The following HCN4 variants were observed in gnomAD, a reference collection of about 807,000 sequenced individuals.
The protein encoded by HCN4 is hyperpolarization activated cyclic nucleotide gated potassium channel 4.
HCN4 carries 29 observed loss-of-function variants against 76.9 expected under a neutral mutation model. The ratio of observed to expected loss-of-function variants is 0.38; its 90% CI spans 0.28 to 0.51. The LOEUF (loss-of-function observed/expected upper bound fraction) is 0.51, where lower values mean the gene tolerates loss of function less well. HCN4 is among the 20% of genes least tolerant of loss of function. The pLI is 0.90. For synonymous variants in HCN4, 772 were observed against 762.5 expected (o/e 1.01, Z -0.21); for missense variants, 1,416 against 1,715.2 (o/e 0.83, Z 3.08).
rs750605160 is a variant in HCN4, at chr15:73,323,049, G to C, written c.3044C>G (p.Ser1015Cys). 1 of 1,526,524 alleles carries C rather than the reference G, an allele frequency of 6.6e-7. No individual in the cohort carries two copies. Among genetic ancestry groups the C allele is most frequent in the Non-Finnish European group, 8.7e-7 (1 of 1,142,966 alleles). 94.6% of individuals were successfully genotyped at this position (1,526,524 alleles called of 1,614,324 possible). ...TCCTCGGGGAGTAAAGCCTACAGGG[G>C]AAGCCCCCCCAGAGGCCCCTGCCAC... ...SLVAGASGGA[S>C]PVGFTPRGGL... Residue 1015 changes from serine (S) to cysteine (C), a missense_variant, in exon 8 of 8, where the codon TCC (serine) becomes TGC (cysteine). Coordinates refer to ENST00000261917, the MANE Select transcript of HCN4 (RefSeq NM_005477.3).
chr15:73,351,887 C>T (rs1246952064), intron 1 of HCN4, among the ~76,000 whole-genome samples: 1 of 152,146 alleles, frequency 6.6e-6, no homozygotes, highest in Non-Finnish European at 1.5e-5. Flanking sequence ...CTTCGGTGTC[C>T]CCAACGCATG....
At chr15:73,335,392 C>T (rs2042957655) in intron 2 of HCN4, 1 of 152,278 alleles carries the variant, frequency 6.6e-6, no homozygotes, top group Admixed American at 6.5e-5. Context: ...AATCAGGTTC[C>T]ACAAGCCACA....
At chr15:73,336,676 G>A (rs1326358182) in intron 2 of HCN4, among the ~76,000 whole-genome samples, 1 of 152,018 alleles carries the variant, frequency 6.6e-6, no homozygotes, top group Admixed American at 6.6e-5. Flanking sequence ...GGTGGTTTTG[G>A]CTCTACTGCC....
intron 1 of HCN4, among the ~76,000 whole-genome samples, chr15:73,351,380 GACT>G (rs1476535561): frequency 2.6e-5 from 4 of 152,134 alleles, no homozygotes; most frequent in African/African-American, 9.7e-5. Flanking sequence ...TCCACTTGCT[GACT>G]ACATGTCTAC....
In HCN4 at chr15:73,323,764, G is replaced by A. The variant is rs1409105732; in HGVS notation, c.2329C>T (p.Leu777=). The part of the protein sequence containing the change: ...PTPTPVIWTP[L]IQAPLQAAAA... Reference sequence around the variant, plus strand: ...GCAGCCTGCAGTGGTGCCTGGATCAGCGGGGTCCAGATGACGGGCGTGGGG... The same window carrying A: ...GCAGCCTGCAGTGGTGCCTGGATCAACGGGGTCCAGATGACGGGCGTGGGG... Residue 777 remains leucine, a synonymous_variant, in exon 8 of 8, where the codon CTG becomes TTG. Coordinates refer to ENST00000261917, the MANE Select transcript of HCN4 (RefSeq NM_005477.3). 1.9e-6 allele frequency: 3 copies of A among 1,608,294 alleles called. No homozygotes were observed. Among genetic ancestry groups the A allele is most frequent in the Non-Finnish European group, 1.7e-6 (2 of 1,178,486 alleles).
intron 1 of HCN4, among the ~76,000 whole-genome samples, chr15:73,364,710 G>T (rs1322351057): frequency 6.6e-6 from 1 of 152,164 alleles, no homozygotes; most frequent in Non-Finnish European, 1.5e-5. Context: ...CTTTTCTATT[G>T]GGGGGTGGGA....
At chr15:73,355,250 C>G in intron 1 of HCN4, among the ~76,000 whole-genome samples, 1 of 152,202 alleles carries the variant, frequency 6.6e-6, no homozygotes, top group Non-Finnish European at 1.5e-5. Flanking sequence ...AAGTTCTAGT[C>G]CCGTCCCTGT....
chr15:73,356,189 CTTT>C (rs527385643), intron 1 of HCN4, among the ~76,000 whole-genome samples: 7 of 135,226 alleles, frequency 5.2e-5, no homozygotes, highest in Admixed American at 7.5e-5. Context: ...TTGTTTTTTG[CTTT>C]TTTTTTTTTT....
At chr15:73,330,039 G>A (rs2042923669) in intron 3 of HCN4, among the ~76,000 whole-genome samples, 1 of 152,190 alleles carries the variant, frequency 6.6e-6, no homozygotes, top group African/African-American at 2.4e-5. Flanking sequence ...AAAGGTACGG[G>A]AGCCAGCGTG....
In HCN4 at chr15:73,343,546, T is replaced by C. The variant is rs2043017077; in HGVS notation, c.1048A>G (p.Ile350Val). The C allele has an allele frequency of 6.2e-7, 1 of 1,614,076 alleles. No homozygotes were observed. The highest frequency in any genetic ancestry group is 8.5e-7 in the Non-Finnish European group (1 of 1,180,050). ...ATGAGGAAGATGTAGTCCACGGGGA[T>C]GGAGGAAATGAAATCTACCATGAAC... is the stretch of plus-strand genomic sequence containing the variant. ...SWFMVDFISSIPVDYIFLIVE... is the reference protein window; with the variant it reads ...SWFMVDFISSVPVDYIFLIVE... Residue 350 changes from isoleucine to valine, a missense_variant, in exon 2 of 8, where the codon ATC becomes GTC. Ile to Val is a conservative substitution (Grantham distance 29). This residue lies in a region of HCN4 where 112 missense variants were observed against 259.9 expected (regional missense o/e 0.43). Transcript: ENST00000261917. This position sits in a 1 kb window ranked among gnomAD's most constrained non-coding sequence, Gnocchi z 5.7.
At chr15:73,362,260 G>A (rs2043108239) in intron 1 of HCN4, among the ~76,000 whole-genome samples, 1 of 152,218 alleles carries the variant, frequency 6.6e-6, no homozygotes, top group Admixed American at 6.5e-5. Context: ...TGAGCTTGGG[G>A]ATAGAGGCCA....
chr15:73,326,788 T>TATTTATTTA (rs890852282), intron 4 of HCN4, among the ~76,000 whole-genome samples: 3 of 150,154 alleles, frequency 2.0e-5, no homozygotes, highest in African/African-American at 7.3e-5. Context: ...TTTATTTATT[T>TATTTATTTA]ATTTATTTTT....
chr15:73,358,539 A>T (rs904792338), intron 1 of HCN4, among the ~76,000 whole-genome samples: 15 of 152,210 alleles, frequency 9.9e-5, no homozygotes, highest in African/African-American at 3.6e-4. Context: ...AGGCAGGAGA[A>T]GCGAGTCTTC....
Position 73,323,538 on chromosome 15 carries a change from G to A in HCN4, c.2555C>T (p.Pro852Leu), listed in dbSNP as rs779241036. ...PASSPSQVDT[P>L]SSSSFHIQQL... is the part of the protein sequence containing the mutation. The stretch of plus-strand genomic sequence containing the variant: ...TTGGATGTGGAAGGAGGATGAAGAC[G>A]GTGTGTCCACCTGGGACGGGCTGCT... The change falls in exon 8 of 8, where the codon CCG (proline) becomes CTG (leucine). Residue 852 changes from proline to leucine, a missense_variant. This residue lies in a region of HCN4 where 633 missense variants were observed against 579.8 expected (regional missense o/e 1.09). Transcript: ENST00000261917. The A allele has an allele frequency of 8.7e-6, 14 of 1,600,864 alleles. No homozygotes were observed. Among genetic ancestry groups the A allele is most frequent in the South Asian group, 4.4e-5 (4 of 91,090 alleles).
chr15:73,325,582 G>C lies in HCN4; in HGVS notation c.1591-138C>G, dbSNP rs894507541. 1 of 851,714 alleles carries C rather than the reference G, an allele frequency of 1.2e-6. No homozygotes were observed. The highest frequency in any genetic ancestry group is 2.0e-6 in the Non-Finnish European group (1 of 510,744). The allele number at this position is 851,714 out of a possible 1,614,324, so 52.8% of individuals were successfully genotyped here. On this transcript the variant is annotated intron_variant, in intron 4 of 7. Coordinates refer to ENST00000261917, the MANE Select transcript of HCN4 (RefSeq NM_005477.3). This position sits in a 1 kb window ranked among gnomAD's most constrained non-coding sequence, Gnocchi z 7.4. ...CTAAACTTGGTTCCTTGAGATCTGA[G>C]GTCTACAGTGTGGAAATGACCTCAC...
rs760669149 is a variant in HCN4, at chr15:73,325,282, C to T, written c.1737+16G>A. ...AGGCCTGGCTCCCCTCCACGCCGGG[C>T]CGCCACACAGCTCACCTCCCGCAGG... On this transcript the variant is annotated intron_variant, in intron 5 of 7. Transcript: ENST00000261917. This position sits in a 1 kb window ranked among gnomAD's most constrained non-coding sequence, Gnocchi z 7.4. 2 of 1,614,124 alleles carry T rather than the reference C, an allele frequency of 1.2e-6. No homozygotes were observed. The highest frequency in any genetic ancestry group is 1.1e-5 in the South Asian group (1 of 91,070).
chr15:73,325,575 G>C lies in HCN4; in HGVS notation c.1591-131C>G, dbSNP rs2042894608. On this transcript the variant is annotated intron_variant, in intron 4 of 7. Coordinates refer to ENST00000261917, the MANE Select transcript of HCN4 (RefSeq NM_005477.3). This position sits in a 1 kb window ranked among gnomAD's most constrained non-coding sequence, Gnocchi z 7.4. ...TTCCTGGCTAAACTTGGTTCCTTGA[G>C]ATCTGAGGTCTACAGTGTGGAAATG... The C allele has an allele frequency of 4.4e-6, 4 of 899,512 alleles. No individual in the cohort carries two copies. The East Asian group carries it at 9.9e-5, about 22-fold the overall frequency. The allele number at this position is 899,512 out of a possible 1,614,324, so 55.7% of individuals were successfully genotyped here.
Position 73,347,563 on chromosome 15 carries a change from C to T in HCN4, c.786-3755G>A, listed in dbSNP as rs62015511. On this transcript the variant is annotated intron_variant, in intron 1 of 7. Coordinates refer to ENST00000261917, the MANE Select transcript of HCN4 (RefSeq NM_005477.3). The stretch of plus-strand genomic sequence containing the variant: ...CTGGCCATCAGCAATCACTCGGTCA[C>T]GGTCACACATGTCCTATAGAAGGGA... Among the ~76,000 whole-genome samples, 1,256 of 152,248 alleles carry T rather than the reference C, an allele frequency of 8.2e-3. 12 individuals carry two copies. Among genetic ancestry groups the T allele is most frequent in the Non-Finnish European group, 0.014 (934 of 68,016 alleles).
Position 73,325,631 on chromosome 15 carries a change from C to A in HCN4, c.1591-187G>T, listed in dbSNP as rs1462121863. Among the ~76,000 whole-genome samples, 2 of 152,132 alleles carry A rather than the reference C, an allele frequency of 1.3e-5. No homozygotes were observed. The highest frequency in any genetic ancestry group is 4.8e-5 in the African/African-American group (2 of 41,434). ...ACTGTGCTCAAAACAACTGCCCGGG[C>A]TCCCAGCTGCTTGGCATGGAGGAGG... On this transcript the variant is annotated intron_variant, in intron 4 of 7. Transcript: ENST00000261917. The surrounding 1 kb of genome is among the most constrained non-coding windows in gnomAD (Gnocchi z 7.4).
Sources: gnomAD v4.1 joint callset for allele counts (sites outside exome capture counted in the v4.1 genomes callset) on GRCh38, gnomAD v4.1.1 for gene constraint, gnomAD v4.1.1 regional missense constraint, Gnocchi (gnomAD v3.1) non-coding constraint, MANE v1.5 for transcripts, NCBI Gene and HGNC (gene_info 2026-07-23, HGNC 2026-07-21) for gene names.